Variants in RALGAPA1 observed in about 807,000 individuals in gnomAD.
The protein encoded by RALGAPA1 is ral GTPase-activating protein subunit alpha-1.
In RALGAPA1, 52 loss-of-function variants were observed where a neutral mutation model predicts 269.6. The ratio of observed to expected loss-of-function variants is 0.19; its 90% CI spans 0.15 to 0.24. The LOEUF is 0.24. Among genes scored for constraint, RALGAPA1 ranks in the 10% least tolerant of loss-of-function variants. RALGAPA1 has a pLI of 1.00. For synonymous variants in RALGAPA1, 817 were observed against 1,008.3 expected (o/e 0.81, Z 3.60); for missense variants, 1,917 against 3,013.9 (o/e 0.64, Z 8.52).
intron 21 of RALGAPA1, among the ~76,000 whole-genome samples, chr14:35,679,617 T>A (rs2065241448): frequency 6.6e-6 from 1 of 152,216 alleles, no homozygotes; most frequent in African/African-American, 2.4e-5. Flanking sequence ...TGAAGTAAGG[T>A]TTCTACTGAA....
At chr14:35,550,918 A>G (rs1294008385) in intron 39 of RALGAPA1, among the ~76,000 whole-genome samples, 1 of 152,174 alleles carries the variant, frequency 6.6e-6, no homozygotes, top group African/African-American at 2.4e-5. Flanking sequence ...AACATAAACA[A>G]GTAATATGGC....
At position 35,655,939 on chromosome 14, in the gene RALGAPA1, G is replaced by A. The variant is rs549407011; in HGVS notation, c.5388-24C>T. ...ATCTGCAAAAAAGGCAAACAACAAC[G>A]GTTACATAAAATGAAACCACCACCA... is the stretch of plus-strand genomic sequence containing the variant. On this transcript the variant is annotated intron_variant, in intron 28 of 41. Coordinates refer to ENST00000680220, the MANE Select transcript of RALGAPA1 (RefSeq NM_001346249.2). The A allele has an allele frequency of 2.5e-5, 41 of 1,611,912 alleles. No individual in the cohort carries two copies. In the African/African-American group the frequency reaches 4.5e-4, roughly 18 times the overall value.
At position 35,655,986 on chromosome 14, in the gene RALGAPA1, T is replaced by C; in HGVS notation, c.5388-71A>G. On this transcript the variant is annotated intron_variant, in intron 28 of 41. Coordinates refer to ENST00000680220, the MANE Select transcript of RALGAPA1 (RefSeq NM_001346249.2). Reference sequence around the variant, plus strand: ...ACCACAAACATGACCCACAATCAACTGACACAGAATGAACATGCACTATTT... The same window carrying C: ...ACCACAAACATGACCCACAATCAACCGACACAGAATGAACATGCACTATTT... The C allele has an allele frequency of 2.5e-6, 4 of 1,603,920 alleles. No individual in the cohort carries two copies. The South Asian group carries it at 4.5e-5, about 18-fold the overall frequency.
chr14:35,646,355 G>A (rs1014086072), intron 31 of RALGAPA1, among the ~76,000 whole-genome samples: 3 of 152,142 alleles, frequency 2.0e-5, no homozygotes, highest in Non-Finnish European at 4.4e-5. Flanking sequence ...TTAATCATTT[G>A]ACTGAAGTTA....
At chr14:35,746,377 G>A (rs1399607680) in intron 10 of RALGAPA1, among the ~76,000 whole-genome samples, 1 of 152,082 alleles carries the variant, frequency 6.6e-6, no homozygotes, top group Non-Finnish European at 1.5e-5. Context: ...CTTGAAATTT[G>A]CTAGAAGATT....
rs139057823 is a variant in RALGAPA1, at chr14:35,633,233, G to A, written c.5995+1341C>T. 3.7e-3 allele frequency among the ~76,000 whole-genome samples: 570 copies of A among 152,188 alleles called. 2 individuals are homozygous for A. The highest frequency in any genetic ancestry group is 0.013 in the African/African-American group (525 of 41,532). On this transcript the variant is annotated intron_variant, in intron 33 of 41. Transcript: ENST00000680220. Reference sequence around the variant, plus strand: ...AAAACTGCCATTTTATACCTTAAATGTGCAAAGGTCAACTATTATTTTCAC... The same window carrying A: ...AAAACTGCCATTTTATACCTTAAATATGCAAAGGTCAACTATTATTTTCAC...
At chr14:35,658,156 G>A (rs993754435) in intron 28 of RALGAPA1, among the ~76,000 whole-genome samples, 1 of 152,050 alleles carries the variant, frequency 6.6e-6, no homozygotes, top group Admixed American at 6.6e-5. Flanking sequence ...AATATTATAC[G>A]AAAATCCTTG....
chr14:35,804,984 G>A (rs1223418122), intron 1 of RALGAPA1, among the ~76,000 whole-genome samples: 6 of 151,894 alleles, frequency 4.0e-5, no homozygotes, highest in Non-Finnish European at 8.8e-5. Flanking sequence ...TCAAAATAAT[G>A]AGGCTGAGAA....
At chr14:35,761,764 A>G (rs1325087497) in intron 5 of RALGAPA1, among the ~76,000 whole-genome samples, 2 of 152,124 alleles carry the variant, frequency 1.3e-5, no homozygotes, top group Admixed American at 1.3e-4. Flanking sequence ...ACCTAACCTC[A>G]CTGATAGCTT....
chr14:35,753,823 A>G (rs1042820362), intron 7 of RALGAPA1, among the ~76,000 whole-genome samples: 3 of 152,180 alleles, frequency 2.0e-5, no homozygotes, highest in Non-Finnish European at 4.4e-5. Flanking sequence ...AAGTGAGTGA[A>G]CTATATAAAA....
chr14:35,634,866 T>TA, intron 32 of RALGAPA1, 109 bp from the exon 33 acceptor site: 3 of 1,098,222 alleles, frequency 2.7e-6, no homozygotes, highest in Non-Finnish European at 3.7e-6. Context: ...GCAAAGATTT[T>TA]AAATATTTTA....
chr14:35,804,568 C>CAAAA (rs1203944765), intron 1 of RALGAPA1, among the ~76,000 whole-genome samples: 2 of 134,028 alleles, frequency 1.5e-5, no homozygotes, highest in African/African-American at 5.9e-5. Flanking sequence ...GACTCCATCT[C>CAAAA]AAAAATAAAT....
At chr14:35,808,393 A>C (rs931261502) in intron 1 of RALGAPA1, among the ~76,000 whole-genome samples, 8 of 152,222 alleles carry the variant, frequency 5.3e-5, no homozygotes, top group African/African-American at 1.9e-4. Flanking sequence ...TGGGGTTGGC[A>C]GTAGTCATCT....
intron 1 of RALGAPA1, among the ~76,000 whole-genome samples, chr14:35,796,971 T>C (rs889958100): frequency 3.3e-5 from 5 of 152,112 alleles, no homozygotes; most frequent in Non-Finnish European, 7.4e-5. Flanking sequence ...GTATCTTTAG[T>C]AGAGACAGGG....
At chr14:35,634,997 G>GCTGTGTCTA (rs2061581584) in intron 32 of RALGAPA1, among the ~76,000 whole-genome samples, 1 of 151,746 alleles carries the variant, frequency 6.6e-6, no homozygotes, top group South Asian at 2.1e-4. Context: ...ATGGCGAAAC[G>GCTGTGTCTA]CTGTGTCTAC....
At chr14:35,598,972 C>G (rs926822137) in intron 36 of RALGAPA1, among the ~76,000 whole-genome samples, 3 of 152,106 alleles carry the variant, frequency 2.0e-5, no homozygotes, top group African/African-American at 7.2e-5. Context: ...AACTATCATT[C>G]TTTTGAGTGT....
intron 11 of RALGAPA1, 138 bp from the exon 12 acceptor site, chr14:35,738,788 C>A: frequency 3.2e-6 from 2 of 621,756 alleles, no homozygotes; most frequent in Non-Finnish European, 5.4e-6. Flanking sequence ...GATGTCTTAT[C>A]CAAATCCAAA....
intron 39 of RALGAPA1, among the ~76,000 whole-genome samples, chr14:35,557,702 T>G (rs2139235654): frequency 6.6e-6 from 1 of 152,270 alleles, no homozygotes; most frequent in African/African-American, 2.4e-5. Flanking sequence ...TAAAATTACT[T>G]AAGAGAACAC....
chr14:35,620,245 A>C (rs535106029), intron 35 of RALGAPA1, among the ~76,000 whole-genome samples: 1 of 152,276 alleles, frequency 6.6e-6, no homozygotes, highest in East Asian at 1.9e-4. Flanking sequence ...TATAAACAGA[A>C]CCAATGACAA....
Sources: gnomAD v4.1 joint callset for allele counts (sites outside exome capture counted in the v4.1 genomes callset) on GRCh38, gnomAD v4.1.1 for gene constraint, MANE v1.5 for transcripts, NCBI Gene and HGNC (gene_info 2026-07-23, HGNC 2026-07-21) for gene names.